Variants in RHPN1 observed in about 807,000 individuals in gnomAD.
The protein encoded by RHPN1 is rhophilin Rho GTPase binding protein 1, also known as rhophilin-1.
RHPN1 carries 77 observed loss-of-function variants against 74.7 expected under a neutral mutation model. The observed-to-expected ratio is 1.03, with a 90% CI of 0.86 to 1.25. The LOEUF (loss-of-function observed/expected upper bound fraction) is 1.25, where lower values mean the gene tolerates loss of function less well. Among genes scored for constraint, RHPN1 ranks in the 50% most tolerant of loss-of-function variants. The pLI, the probability that RHPN1 is intolerant of heterozygous loss-of-function variation, is 0.00. For missense variants in RHPN1, 987 were observed against 932.2 expected (o/e 1.06, Z -0.77); for synonymous variants, 444 against 414.5 (o/e 1.07, Z -0.87).
chr8:143,379,536 C>T (rs770218663), intron 8 of RHPN1, 28 bp downstream of exon 8: 5 of 1,523,596 alleles, frequency 3.3e-6, no homozygotes, highest in African/African-American at 1.4e-5. Flanking sequence ...TGTCAGGATG[C>T]AGGGGGTGGG....
At chr8:143,376,417 G>T (rs779047608) in intron 2 of RHPN1, 108 bp from the exon 3 acceptor site, 65 of 1,499,838 alleles carry the variant, frequency 4.3e-5, no homozygotes, top group Non-Finnish European at 5.7e-5. Flanking sequence ...GTCCTCTGCA[G>T]GGTGGGCTTG....
At chr8:143,375,295 G>C (rs532011451) in intron 1 of RHPN1, among the ~76,000 whole-genome samples, 5 of 152,250 alleles carry the variant, frequency 3.3e-5, no homozygotes, top group African/African-American at 9.6e-5. Flanking sequence ...AGCCTCCCCC[G>C]CTGACCCCCA....
intron 14 of RHPN1, 55 bp downstream of exon 14, chr8:143,382,023 C>T: frequency 6.7e-7 from 1 of 1,483,056 alleles, no homozygotes; most frequent in Non-Finnish European, 9.0e-7. Context: ...ACCACCCTGG[C>T]CCTGGGCCTG....
Position 143,370,333 on chromosome 8 carries a change from G to A in RHPN1, c.60+1286G>A, listed in dbSNP as rs568251831. 6.6e-5 allele frequency among the ~76,000 whole-genome samples: 10 copies of A among 152,322 alleles called. No individual in the cohort carries two copies. The South Asian group carries it at 8.3e-4, about 13-fold the overall frequency. On this transcript the variant is annotated intron_variant, in intron 1 of 14. Transcript: ENST00000289013. ...CAGTCAGGGTACTGGGGAGGGGCCC[G>A]TGGGAGGTGGCAGTGGGGCGGAGGC...
At chr8:143,375,083 C>T (rs1191782583) in intron 1 of RHPN1, among the ~76,000 whole-genome samples, 1 of 152,246 alleles carries the variant, frequency 6.6e-6, no homozygotes, top group Non-Finnish European at 1.5e-5. Context: ...ACGCCTAAAC[C>T]CACATGGGAA....
At chr8:143,376,727 A>G in intron 3 of RHPN1, 74 bp downstream of exon 3, 6 of 1,454,618 alleles carry the variant, frequency 4.1e-6, no homozygotes, top group South Asian at 1.3e-5. Flanking sequence ...ATGTGTGTGC[A>G]CGCATGTGTG....
At chr8:143,380,834 G>T (rs961144868) in intron 11 of RHPN1, 51 bp downstream of exon 11, 2 of 1,414,294 alleles carry the variant, frequency 1.4e-6, no homozygotes, top group East Asian at 2.6e-5. Flanking sequence ...CAGGGTGGGG[G>T]CCTTCGTCCT....
chr8:143,382,140 G>A (rs1184735010), intron 14 of RHPN1, among the ~76,000 whole-genome samples, 172 bp downstream of exon 14: 1 of 152,224 alleles, frequency 6.6e-6, no homozygotes, highest in Non-Finnish European at 1.5e-5. Flanking sequence ...CCATCTGGCA[G>A]CTCTTGCCCT....
upstream of RHPN1, chr8:143,368,655 G>C (rs1468311345): frequency 5.1e-6 from 1 of 196,838 alleles, no homozygotes; most frequent in African/African-American, 2.3e-5. Context: ...AGCCGCGGGC[G>C]TTCCGGCCGC....
At chr8:143,378,137 A>G (rs1176100706) in intron 4 of RHPN1, 132 bp from the exon 5 acceptor site, 32 of 760,546 alleles carry the variant, frequency 4.2e-5, no homozygotes, top group Non-Finnish European at 2.2e-6. Context: ...CCCACGCTGC[A>G]TGGCAGCCAG....
intron 1 of RHPN1, among the ~76,000 whole-genome samples, chr8:143,372,492 G>C (rs375182366): frequency 2.0e-5 from 3 of 152,188 alleles, no homozygotes; most frequent in African/African-American, 7.2e-5. Flanking sequence ...ACATCGGCCC[G>C]TCCGCTGCTG....
intron 1 of RHPN1, among the ~76,000 whole-genome samples, chr8:143,372,742 G>A (rs1817915788): frequency 2.7e-5 from 4 of 150,838 alleles, no homozygotes; most frequent in Admixed American, 6.6e-5. Context: ...GGATGGTGCG[G>A]GTGTCCAGCA....
rs953364184 is a variant in RHPN1 at position 143,375,449 on chromosome 8, C to G, written c.61-104C>G. Reference sequence around the variant, plus strand: ...TCCAGCCCCAGCGCATGGTGACCATCCCGTTACCCATGGGCAGGATGCACT... The same window carrying G: ...TCCAGCCCCAGCGCATGGTGACCATGCCGTTACCCATGGGCAGGATGCACT... On this transcript the variant is annotated intron_variant, in intron 1 of 14. Transcript: ENST00000289013. The G allele has an allele frequency of 5.9e-5, 42 of 716,382 alleles. 1 individual carries two copies. The Admixed American group carries it at 1.3e-3, about 22-fold the overall frequency. 44.4% of individuals were successfully genotyped at this position (716,382 alleles called of 1,614,324 possible).
At position 143,379,865 on chromosome 8, in the gene RHPN1, G is replaced by A. The variant is rs374320170; in HGVS notation, c.982G>A (p.Ala328Thr). Residue 328 changes from alanine (A) to threonine (T), a missense_variant, in exon 9 of 15, where the codon GCC becomes ACC. Coordinates refer to ENST00000289013, the MANE Select transcript of RHPN1 (RefSeq NM_052924.3). ...GTACAGGCTAGTGCACCGGACCATG[G>A]CCCAGCCACCCGTCCACGACTACGT... ...AEYRLVHRTMAQPPVHDYVPV... is the reference protein window; with the variant it reads ...AEYRLVHRTMTQPPVHDYVPV... The A allele has an allele frequency of 2.4e-5, 39 of 1,610,786 alleles. No homozygotes were observed. Among genetic ancestry groups the A allele is most frequent in the Non-Finnish European group, 3.2e-5 (38 of 1,179,194 alleles).
intron 2 of RHPN1, among the ~76,000 whole-genome samples, chr8:143,375,939 G>T (rs945572517): frequency 2.0e-5 from 3 of 152,264 alleles, no homozygotes; most frequent in African/African-American, 7.2e-5. Flanking sequence ...GCACGTGGGG[G>T]CTTCTCAGAA....
At chr8:143,372,810 GCA>G in intron 1 of RHPN1, among the ~76,000 whole-genome samples, 1 of 138,094 alleles carries the variant, frequency 7.2e-6, no homozygotes, top group Non-Finnish European at 1.6e-5. Flanking sequence ...TGGGTGTCCA[GCA>G]GATGGCGCAG....
At chr8:143,381,205 G>A in intron 11 of RHPN1, 63 bp from the exon 12 acceptor site, 1 of 1,439,942 alleles carries the variant, frequency 6.9e-7, no homozygotes, top group Non-Finnish European at 9.6e-7. Context: ...CCTGCGCCCT[G>A]GAAAATCCCC....
chr8:143,368,767 A>C (rs1031110690), upstream of RHPN1: 1 of 321,724 alleles, frequency 3.1e-6, no homozygotes, highest in African/African-American at 2.2e-5. Flanking sequence ...TCGAAGCGGC[A>C]TTGCCGCCTA....
chr8:143,382,341 G>GCCCCTCCCAGGTGGTTCTCA, intron 14 of RHPN1, 95 bp from the exon 15 acceptor site: 1 of 1,112,218 alleles, frequency 9.0e-7, no homozygotes, highest in East Asian at 2.6e-5. Context: ...CGACGTGCCA[G>GCCCCTCCCAGGTGGTTCTCA]CCCCTCCCAG....
Sources: gnomAD v4.1 joint callset for allele counts (sites outside exome capture counted in the v4.1 genomes callset) on GRCh38, gnomAD v4.1.1 for gene constraint, MANE v1.5 for transcripts, NCBI Gene and HGNC (gene_info 2026-07-23, HGNC 2026-07-21) for gene names.